Variants in CNTNAP2 observed in about 807,000 individuals in gnomAD.
CNTNAP2 encodes contactin associated protein 2.
Under a neutral mutation model 155.2 loss-of-function variants are expected in CNTNAP2, and 98 were observed. The ratio of observed to expected loss-of-function variants is 0.63; its 90% CI spans 0.54 to 0.75. The LOEUF (loss-of-function observed/expected upper bound fraction) is 0.75. Among genes scored for constraint, CNTNAP2 ranks in the 30% least tolerant of loss-of-function variants. The pLI, the probability that CNTNAP2 is intolerant of heterozygous loss-of-function variation, is 0.00. For synonymous variants in CNTNAP2, 651 were observed against 631.2 expected, an observed-to-expected ratio of 1.03 and a Z score of -0.47; for missense variants, 1,727 against 1,688.1, an observed-to-expected ratio of 1.02 and a Z score of -0.40.
intron 8 of CNTNAP2, among the ~76,000 whole-genome samples, chr7:147,199,528 A>G (rs1307696408): frequency 6.6e-6 from 1 of 152,138 alleles, no homozygotes; most frequent in Non-Finnish European, 1.5e-5. Context: ...TGGTTTTTAA[A>G]TGGATGTTTT....
At position 148,121,138 on chromosome 7, in the gene CNTNAP2, G is replaced by A. The variant is rs530928518; in HGVS notation, c.2554+2850G>A. 5.3e-5 allele frequency among the ~76,000 whole-genome samples: 8 copies of A among 152,174 alleles called. No homozygotes were observed. In the South Asian group the frequency reaches 1.5e-3, roughly 28 times the overall value. On this transcript the variant is annotated intron_variant, in intron 16 of 23. Transcript: ENST00000361727. ...CAACCTCTGCCTCCCAGGTTCAAGT[G>A]ATTCTCCTGCCTCAGCCTCCCGAGT... is the stretch of plus-strand genomic sequence containing the variant.
chr7:148,350,351 C>A (rs1798406404), intron 21 of CNTNAP2, among the ~76,000 whole-genome samples: 1 of 152,174 alleles, frequency 6.6e-6, no homozygotes, highest in Admixed American at 6.5e-5. Flanking sequence ...CAAATGACAG[C>A]TCTTCTCATT....
intron 1 of CNTNAP2, among the ~76,000 whole-genome samples, chr7:146,148,758 CAGG>C (rs1372372237): frequency 3.9e-5 from 6 of 151,994 alleles, no homozygotes; most frequent in African/African-American, 1.4e-4. Context: ...CTATTATACA[CAGG>C]AGAACATGAT....
chr7:148,321,947 A>G (rs1043571755), intron 21 of CNTNAP2, among the ~76,000 whole-genome samples: 1 of 150,360 alleles, frequency 6.7e-6, no homozygotes, highest in African/African-American at 2.5e-5. Context: ...CCCAGGCTAG[A>G]GTGTGGAGTG....
intron 8 of CNTNAP2, among the ~76,000 whole-genome samples, chr7:147,192,722 A>G (rs1488055835): frequency 6.6e-6 from 1 of 151,824 alleles, no homozygotes; most frequent in Non-Finnish European, 1.5e-5. Context: ...CCTTTCTCTT[A>G]TTACATTTGT....
At position 147,942,889 on chromosome 7, in the gene CNTNAP2, T is replaced by A. The variant is rs903458615; in HGVS notation, c.2256-34973T>A. Among the ~76,000 whole-genome samples the A allele has an allele frequency of 2.0e-5, 3 of 152,004 alleles. No individual in the cohort carries two copies. In the South Asian group the frequency reaches 6.2e-4, roughly 31 times the overall value. ...CATTTCTACTAAAAATAAAAAAACT[T>A]ATCTGGGTGTGGTGGCGGGTGCCTG... On this transcript the variant is annotated intron_variant, in intron 14 of 23. Transcript: ENST00000361727.
At chr7:146,655,543 T>C (rs1174758841) in intron 1 of CNTNAP2, among the ~76,000 whole-genome samples, 1 of 152,066 alleles carries the variant, frequency 6.6e-6, no homozygotes, top group East Asian at 1.9e-4. Context: ...ATAATGAATA[T>C]ATTTTCCATT....
intron 2 of CNTNAP2, among the ~76,000 whole-genome samples, chr7:146,836,945 C>A (rs1346270904): frequency 6.6e-6 from 1 of 151,834 alleles, no homozygotes; most frequent in East Asian, 1.9e-4. Context: ...GTTTCATTGT[C>A]ATTTGGCTTG....
At chr7:146,579,490 G>C (rs570047237) in intron 1 of CNTNAP2, among the ~76,000 whole-genome samples, 1 of 152,030 alleles carries the variant, frequency 6.6e-6, no homozygotes, top group Admixed American at 6.6e-5. Flanking sequence ...AGAAGTTAAC[G>C]TTATGGTCAA....
intron 15 of CNTNAP2, among the ~76,000 whole-genome samples, chr7:148,046,364 C>T (rs1156596719): frequency 3.9e-5 from 6 of 151,966 alleles, no homozygotes; most frequent in Admixed American, 3.9e-4. Flanking sequence ...TAGTTTATAT[C>T]CATATATAAA....
chr7:148,149,159 TG>T (rs1805250574), intron 17 of CNTNAP2, among the ~76,000 whole-genome samples: 1 of 152,240 alleles, frequency 6.6e-6, no homozygotes, highest in Non-Finnish European at 1.5e-5. Flanking sequence ...CTCGTTTTTT[TG>T]ACCCTGCCCC....
chr7:146,590,761 T>A (rs533790042), intron 1 of CNTNAP2, among the ~76,000 whole-genome samples: 1 of 152,154 alleles, frequency 6.6e-6, no homozygotes, highest in African/African-American at 2.4e-5. Flanking sequence ...GGTTTCCCCA[T>A]GCAATCACGC....
intron 3 of CNTNAP2, among the ~76,000 whole-genome samples, chr7:146,973,348 C>T (rs373752288): frequency 3.9e-5 from 6 of 152,232 alleles, no homozygotes; most frequent in African/African-American, 1.4e-4. Context: ...ATATTTCAAG[C>T]ACTCAATAGA....
chr7:148,397,587 T>C (rs376889997), intron 22 of CNTNAP2, among the ~76,000 whole-genome samples: 1 of 152,250 alleles, frequency 6.6e-6, no homozygotes, highest in Non-Finnish European at 1.5e-5. Context: ...AAATACACTT[T>C]GCTTTTTCTT....
intron 2 of CNTNAP2, among the ~76,000 whole-genome samples, chr7:146,784,950 T>C (rs1171827907): frequency 6.6e-6 from 1 of 151,478 alleles, no homozygotes; most frequent in Non-Finnish European, 1.5e-5. Flanking sequence ...AGAATAATCA[T>C]TTAATATTCC....
chr7:147,364,706 G>A (rs1385332765), intron 9 of CNTNAP2, among the ~76,000 whole-genome samples: 7 of 152,182 alleles, frequency 4.6e-5, no homozygotes, highest in Non-Finnish European at 7.4e-5. Context: ...AAAATTAGCC[G>A]GGAATGGTGG....
chr7:147,082,642 A>G (rs548425706), intron 4 of CNTNAP2: 1 of 152,312 alleles, frequency 6.6e-6, no homozygotes, highest in South Asian at 2.1e-4. Context: ...GCTTTGAAAG[A>G]TCACAATTGT....
Position 146,368,849 on chromosome 7 carries a change from C to CATATAT in CNTNAP2, c.97+251888_97+251893dup, listed in dbSNP as rs34394597. On this transcript the variant is annotated intron_variant, in intron 1 of 23. Transcript: ENST00000361727. ...ATTCTTCAGTGGAGAAAATTATATACATATATATATATATATAGATGCTTG... is the reference window on the plus strand; with the variant it reads ...ATTCTTCAGTGGAGAAAATTATATACATATATATATATATATATATATAGATGCTTG... Among the ~76,000 whole-genome samples, 195 of 146,352 alleles carry CATATAT rather than the reference C, an allele frequency of 1.3e-3. 1 individual carries two copies. Among genetic ancestry groups the CATATAT allele is most frequent in the African/African-American group, 4.1e-3 (166 of 40,180 alleles).
intron 1 of CNTNAP2, among the ~76,000 whole-genome samples, chr7:146,451,681 A>G (rs76848211): frequency 0.029 from 4,465 of 152,036 alleles, 159 homozygotes; most frequent in African/African-American, 0.083. Flanking sequence ...TCTATACCTC[A>G]CAATATTCTA....
Sources: gnomAD v4.1 joint callset for allele counts (sites outside exome capture counted in the v4.1 genomes callset) on GRCh38, gnomAD v4.1.1 for gene constraint, MANE v1.5 for transcripts, NCBI Gene and HGNC (gene_info 2026-07-23, HGNC 2026-07-21) for gene names.